Variants in IL1RAPL2 observed in about 807,000 individuals in gnomAD.
IL1RAPL2 encodes the protein interleukin 1 receptor accessory protein like 2.
Under a neutral mutation model 44.1 loss-of-function variants are expected in IL1RAPL2, and 3 were observed. The ratio of observed to expected loss-of-function variants is 0.07; its 90% CI spans 0.03 to 0.18. The LOEUF is 0.18. IL1RAPL2 is among the 10% of genes least tolerant of loss of function. The probability of loss-of-function intolerance (pLI) is 1.00; values close to 1 mark genes in which losing one functional copy is unlikely to be tolerated. For missense variants in IL1RAPL2, 391 were observed against 496.4 expected, an observed-to-expected ratio of 0.79 and a Z score of 2.02; for synonymous variants, 181 against 178.8, an observed-to-expected ratio of 1.01 and a Z score of -0.10.
chrX:105,006,494 T>C (rs2030944516), intron 2 of IL1RAPL2, among the ~76,000 whole-genome samples: 1 of 111,086 alleles, frequency 9.0e-6, no homozygotes, highest in South Asian at 3.7e-4. Flanking sequence ...TTTTATTAAT[T>C]TGAAGCAACA....
chrX:105,626,332 T>G (rs1357004230), intron 6 of IL1RAPL2, among the ~76,000 whole-genome samples: 1 of 111,445 alleles, frequency 9.0e-6, no homozygotes, highest in African/African-American at 3.3e-5. Flanking sequence ...TGTAAGGCAT[T>G]AATGAGTTGG....
intron 7 of IL1RAPL2, among the ~76,000 whole-genome samples, chrX:105,733,886 T>C (rs746515356): frequency 1.8e-5 from 2 of 112,197 alleles, no homozygotes; most frequent in Admixed American, 9.5e-5. Flanking sequence ...CTTTGATTTT[T>C]AATATGCCTT....
At chrX:104,759,150 G>A (rs1932387435) in intron 2 of IL1RAPL2, among the ~76,000 whole-genome samples, 1 of 112,325 alleles carries the variant, frequency 8.9e-6, no homozygotes, top group African/African-American at 3.2e-5. Flanking sequence ...TGTAATCAAA[G>A]GCATCAAATT....
intron 2 of IL1RAPL2, among the ~76,000 whole-genome samples, chrX:104,753,737 G>T (rs1165788388): frequency 1.8e-5 from 2 of 111,513 alleles, no homozygotes; most frequent in Non-Finnish European, 3.8e-5. Flanking sequence ...GCTCTAATGT[G>T]TGAATCAGGT....
At chrX:105,057,747 CTGAT>C (rs1006688751) in intron 2 of IL1RAPL2, among the ~76,000 whole-genome samples, 7 of 109,377 alleles carry the variant, frequency 6.4e-5, no homozygotes, top group East Asian at 2.9e-4. Flanking sequence ...TTATTTTTGA[CTGAT>C]TGGTTATTTT....
At chrX:105,672,168 T>C (rs780970081) in intron 6 of IL1RAPL2, among the ~76,000 whole-genome samples, 2 of 111,924 alleles carry the variant, frequency 1.8e-5, no homozygotes, top group East Asian at 5.6e-4. Context: ...GTATCCGTTA[T>C]CTTTGTTCAT....
chrX:105,033,956 C>A (rs957061831), intron 2 of IL1RAPL2, among the ~76,000 whole-genome samples: 2 of 110,315 alleles, frequency 1.8e-5, no homozygotes, highest in Admixed American at 1.9e-4. Context: ...CTTCCCTTCT[C>A]ACTTCATTTC....
chrX:105,386,124 C>T (rs996949295), intron 5 of IL1RAPL2, among the ~76,000 whole-genome samples: 1 of 111,178 alleles, frequency 9.0e-6, no homozygotes, highest in African/African-American at 3.3e-5. Context: ...CTGTGATCCC[C>T]GATTGTGGTC....
At chrX:105,035,475 C>A (rs1262440023) in intron 2 of IL1RAPL2, among the ~76,000 whole-genome samples, 2 of 111,870 alleles carry the variant, frequency 1.8e-5, no homozygotes, top group African/African-American at 6.5e-5. Context: ...GAATCACTTT[C>A]AAAAAATTGG....
intron 5 of IL1RAPL2, among the ~76,000 whole-genome samples, chrX:105,434,142 C>A (rs2035865860): frequency 9.0e-6 from 1 of 111,718 alleles, no homozygotes; most frequent in Admixed American, 9.5e-5. Flanking sequence ...TATTTCTAGT[C>A]ATTAGAGAAA....
intron 2 of IL1RAPL2, among the ~76,000 whole-genome samples, chrX:104,908,001 T>G (rs1277828810): frequency 1.8e-5 from 2 of 110,671 alleles, no homozygotes; most frequent in African/African-American, 6.6e-5. Flanking sequence ...GTTGGGTGCA[T>G]ATATATTTAG....
At chrX:104,642,997 T>G (rs1316122977) in intron 1 of IL1RAPL2, among the ~76,000 whole-genome samples, 3 of 112,044 alleles carry the variant, frequency 2.7e-5, no homozygotes, top group African/African-American at 9.8e-5. Context: ...AGATAGGTAA[T>G]TTTTAAAGGT....
Position 105,251,123 on chromosome X carries a change from G to A in IL1RAPL2, c.544-16265G>A, listed in dbSNP as rs560900773. Among the ~76,000 whole-genome samples, 4 of 110,398 alleles carry A rather than the reference G, an allele frequency of 3.6e-5. No individual in the cohort carries two copies. The South Asian group carries it at 1.1e-3, about 31-fold the overall frequency. The stretch of plus-strand genomic sequence containing the variant: ...TTTCATCTACAAAAATAGTGGTTTA[G>A]GAATGACCATTTCTAAATGCTACCA... On this transcript the variant is annotated intron_variant, in intron 4 of 10. Coordinates refer to ENST00000372582, the MANE Select transcript of IL1RAPL2 (RefSeq NM_017416.2).
intron 1 of IL1RAPL2, among the ~76,000 whole-genome samples, chrX:104,625,147 G>A (rs1487151375): frequency 1.8e-5 from 2 of 111,094 alleles, no homozygotes; most frequent in Non-Finnish European, 3.8e-5. Context: ...CCCAACTGAC[G>A]TGCAACATCA....
chrX:104,632,624 C>G (rs1929677756), intron 1 of IL1RAPL2, among the ~76,000 whole-genome samples: 1 of 107,285 alleles, frequency 9.3e-6, no homozygotes, highest in Non-Finnish European at 1.9e-5. Context: ...GGAGTTCACT[C>G]ATGATTTGGC....
intron 5 of IL1RAPL2, among the ~76,000 whole-genome samples, chrX:105,413,504 G>T (rs1473531594): frequency 9.0e-6 from 1 of 111,551 alleles, no homozygotes; most frequent in African/African-American, 3.3e-5. Flanking sequence ...CATGAGCCAT[G>T]GAATGTGGGT....
chrX:105,074,922 C>G (rs1440658294), intron 2 of IL1RAPL2, among the ~76,000 whole-genome samples: 2 of 111,236 alleles, frequency 1.8e-5, no homozygotes, highest in Admixed American at 1.9e-4. Context: ...AGTTGCTTAT[C>G]AGCTTGAGGA....
At chrX:105,304,980 A>G (rs978559057) in intron 5 of IL1RAPL2, among the ~76,000 whole-genome samples, 2 of 111,314 alleles carry the variant, frequency 1.8e-5, no homozygotes, top group Non-Finnish European at 3.8e-5. Context: ...GGAAGCAGAT[A>G]TGTCTTACAT....
intron 5 of IL1RAPL2, among the ~76,000 whole-genome samples, chrX:105,371,330 T>C (rs1458746607): frequency 5.4e-5 from 6 of 112,129 alleles, no homozygotes; most frequent in Non-Finnish European, 1.1e-4. Context: ...GAATGGTATT[T>C]CCTAGGTTTT....
Sources: gnomAD v4.1 joint callset for allele counts (sites outside exome capture counted in the v4.1 genomes callset) on GRCh38, gnomAD v4.1.1 for gene constraint, MANE v1.5 for transcripts, NCBI Gene and HGNC (gene_info 2026-07-23, HGNC 2026-07-21) for gene names.